The following WFDC1 variants were observed in gnomAD, a reference collection of about 807,000 sequenced individuals.
The protein encoded by WFDC1 is WAP four-disulfide core domain 1.
Under a neutral mutation model 32.9 loss-of-function variants are expected in WFDC1, and 39 were observed. The ratio of observed to expected loss-of-function variants is 1.19; its 90% CI spans 0.92 to 1.55. The LOEUF is 1.55. Ranked by LOEUF, WFDC1 falls within the 40% of genes most tolerant of loss-of-function variation. The pLI is 0.00. For missense variants in WFDC1, 386 were observed against 309.5 expected (o/e 1.25, Z -1.85); for synonymous variants, 184 against 137.4 (o/e 1.34, Z -2.37).
chr16:84,295,169 T>G (rs1202169378), intron 1 of WFDC1, 54 bp downstream of exon 1: 2 of 1,596,122 alleles, frequency 1.3e-6, no homozygotes, highest in Non-Finnish European at 1.7e-6. Context: ...GGAGTCAGCC[T>G]TGAGGAGAGG....
rs992069143 is a variant in WFDC1 at position 84,313,445 on chromosome 16, C to G, written c.337+292C>G. On this transcript the variant is annotated intron_variant, in intron 2 of 6. Transcript: ENST00000219454. Reference sequence around the variant, plus strand: ...ATGGGGGCAGGGACCCTAGATGCCTCCAGGGAGCCACAGTCCAGCAGACAC... The same window carrying G: ...ATGGGGGCAGGGACCCTAGATGCCTGCAGGGAGCCACAGTCCAGCAGACAC... Among the ~76,000 whole-genome samples the G allele has an allele frequency of 1.3e-5, 2 of 152,216 alleles. 1 individual carries two copies. Among genetic ancestry groups the G allele is most frequent in the South Asian group, 4.1e-4 (2 of 4,832 alleles).
At chr16:84,324,202 C>CA in intron 4 of WFDC1, among the ~76,000 whole-genome samples, 1 of 152,096 alleles carries the variant, frequency 6.6e-6, no homozygotes, top group Non-Finnish European at 1.5e-5. Flanking sequence ...GGAGATCTCA[C>CA]AGGGCTTTCC....
chr16:84,306,454 A>T (rs1280698814), intron 1 of WFDC1, among the ~76,000 whole-genome samples: 2 of 152,212 alleles, frequency 1.3e-5, no homozygotes, highest in Non-Finnish European at 2.9e-5. Flanking sequence ...AGGAGCAGCG[A>T]ATCCTCAGAA....
intron 1 of WFDC1, among the ~76,000 whole-genome samples, chr16:84,308,004 C>A (rs1358628902): frequency 6.6e-6 from 1 of 152,186 alleles, no homozygotes; most frequent in Non-Finnish European, 1.5e-5. Flanking sequence ...CTCCTTAAGG[C>A]CTCGTCTCCA....
intron 3 of WFDC1, chr16:84,318,965 TTG>T (rs1908131685): frequency 4.9e-6 from 1 of 203,386 alleles, no homozygotes; most frequent in South Asian, 9.4e-5. Flanking sequence ...TGTGACTGTA[TTG>T]TGAGTGTACA....
At position 84,295,075 on chromosome 16, in the gene WFDC1, G is replaced by A. The variant is rs1220785777; in HGVS notation, c.104G>A (p.Trp35Ter). The A allele has an allele frequency of 6.2e-7, 1 of 1,614,206 alleles. No homozygotes were observed. Among genetic ancestry groups the A allele is most frequent in the East Asian group, 2.2e-5 (1 of 44,878 alleles). ...CACGCCGGCTCTGCCAAGAATATCT[G>A]GAAACGGGCATTGCCTGCGAGGCTG... ...LLHAGSAKNI[W>*]KRALPARLAE... Residue 35 changes from tryptophan to a stop codon, truncating the protein, a stop_gained, in exon 1 of 7, where the codon TGG becomes TAG. Coordinates refer to ENST00000219454, the MANE Select transcript of WFDC1 (RefSeq NM_021197.4). LOFTEE classifies it high-confidence loss of function.
intron 6 of WFDC1, chr16:84,327,204 T>G (rs1383720120): frequency 2.2e-6 from 1 of 459,430 alleles, no homozygotes; most frequent in Non-Finnish European, 4.0e-6. Flanking sequence ...TGTTTGTTTT[T>G]TTAAGAGATG....
At chr16:84,307,086 G>A (rs1907308699) in intron 1 of WFDC1, among the ~76,000 whole-genome samples, 1 of 152,172 alleles carries the variant, frequency 6.6e-6, no homozygotes, top group African/African-American at 2.4e-5. Flanking sequence ...CCCAGAGGTG[G>A]GACTGGGTGG....
chr16:84,303,156 A>C (rs1470811060), intron 1 of WFDC1, among the ~76,000 whole-genome samples: 1 of 151,570 alleles, frequency 6.6e-6, no homozygotes, highest in Non-Finnish European at 1.5e-5. Context: ...CTCTAAGCCC[A>C]CTGTTCCGGG....
At chr16:84,321,044 G>C (rs1205086447) in intron 4 of WFDC1, among the ~76,000 whole-genome samples, 6 of 152,044 alleles carry the variant, frequency 3.9e-5, no homozygotes. Flanking sequence ...ATGCCTTTTT[G>C]GTTTCCTCTA....
chr16:84,319,061 T>C (rs1022806679), intron 3 of WFDC1: 5 of 306,854 alleles, frequency 1.6e-5, no homozygotes, highest in Non-Finnish European at 2.5e-5. Context: ...TATGTCTGTG[T>C]GTATTTGTGC....
chr16:84,327,203 T>G (rs1033387632), intron 6 of WFDC1: 29 of 459,078 alleles, frequency 6.3e-5, no homozygotes, highest in African/African-American at 5.3e-4. Context: ...TTGTTTGTTT[T>G]TTTAAGAGAT....
intron 1 of WFDC1, among the ~76,000 whole-genome samples, chr16:84,307,758 C>A (rs930827514): frequency 4.1e-4 from 62 of 152,138 alleles, no homozygotes; most frequent in African/African-American, 1.3e-3. Flanking sequence ...GAGGCTGGGG[C>A]GCCTGTCATG....
Position 84,324,420 on chromosome 16 carries a change from TGGGC to T in WFDC1, c.566_569del (p.Gly189GlufsTer38). 1 of 1,613,816 alleles carries T rather than the reference TGGGC, an allele frequency of 6.2e-7. No homozygotes were observed. Among genetic ancestry groups the T allele is most frequent in the Admixed American group, 1.7e-5 (1 of 59,944 alleles). On this transcript the variant is annotated frameshift_variant and splice_region_variant, in exon 5 of 7. Coordinates refer to ENST00000219454, the MANE Select transcript of WFDC1 (RefSeq NM_021197.4). LOFTEE classifies it high-confidence loss of function. ...TTTTTCCTCTCACTTGTTTTCCAGA[TGGGC>T]GAATCCTACGACACAAACTTTACAA... is the stretch of plus-strand genomic sequence containing the variant.
intron 3 of WFDC1, chr16:84,318,977 A>C (rs1237422757): frequency 4.8e-6 from 1 of 207,696 alleles, no homozygotes; most frequent in Non-Finnish European, 9.8e-6. Context: ...GTGAGTGTAC[A>C]TGTGTGGGTA....
chr16:84,326,076 T>C (rs1331430942), intron 5 of WFDC1: 2 of 142,342 alleles, frequency 1.4e-5, no homozygotes, highest in East Asian at 2.1e-4. Flanking sequence ...CATCCATCCA[T>C]ATATCCATCC....
At chr16:84,297,419 A>G in intron 1 of WFDC1, among the ~76,000 whole-genome samples, 1 of 152,116 alleles carries the variant, frequency 6.6e-6, no homozygotes, top group Non-Finnish European at 1.5e-5. Context: ...GGAGTTCAAG[A>G]CCAGCCTGAC....
chr16:84,308,774 T>C (rs1420826894), intron 1 of WFDC1, among the ~76,000 whole-genome samples: 1 of 151,884 alleles, frequency 6.6e-6, no homozygotes, highest in Non-Finnish European at 1.5e-5. Flanking sequence ...AGCCTGGGTG[T>C]AGACGCCATG....
At chr16:84,307,712 G>A (rs1306652735) in intron 1 of WFDC1, among the ~76,000 whole-genome samples, 1 of 152,146 alleles carries the variant, frequency 6.6e-6, no homozygotes, top group East Asian at 1.9e-4. Flanking sequence ...GCCCCCTCCC[G>A]ACGACGTACG....
Sources: gnomAD v4.1 joint callset for allele counts (sites outside exome capture counted in the v4.1 genomes callset) on GRCh38, gnomAD v4.1.1 for gene constraint, MANE v1.5 for transcripts, NCBI Gene and HGNC (gene_info 2026-07-23, HGNC 2026-07-21) for gene names.